RBFOX1: variants seen among roughly 807,000 people sequenced by gnomAD.
RBFOX1 encodes the protein RNA binding protein fox-1 homolog 1.
RBFOX1 carries 8 observed loss-of-function variants against 57.7 expected under a neutral mutation model. The ratio of observed to expected loss-of-function variants is 0.14; its 90% CI spans 0.08 to 0.25. The LOEUF (loss-of-function observed/expected upper bound fraction) is 0.25, where lower values mean the gene tolerates loss of function less well. Ranked by LOEUF, RBFOX1 falls within the 10% of genes least tolerant of loss-of-function variation. The pLI is 1.00. For missense variants in RBFOX1, 611 were observed against 548.5 expected, an observed-to-expected ratio of 1.11 and a Z score of -1.14; for synonymous variants, 326 against 222.4, an observed-to-expected ratio of 1.47 and a Z score of -4.15.
chr16:5,630,127 T>C (rs2048459589), intron 3 of RBFOX1, among the ~76,000 whole-genome samples: 1 of 152,192 alleles, frequency 6.6e-6, no homozygotes, highest in Admixed American at 6.5e-5. Flanking sequence ...CACAGAGGTA[T>C]GGTGCCTTCT....
intron 3 of RBFOX1, among the ~76,000 whole-genome samples, chr16:5,663,159 C>A (rs548121054): frequency 5.1e-4 from 77 of 152,250 alleles, no homozygotes; most frequent in African/African-American, 1.8e-3. Flanking sequence ...AAAGAATGAC[C>A]CGGTTCCAAA....
chr16:6,834,172 C>G (rs1009455789), intron 3 of RBFOX1, among the ~76,000 whole-genome samples: 1 of 152,046 alleles, frequency 6.6e-6, no homozygotes, highest in African/African-American at 2.4e-5. Context: ...CTCCCCAGTT[C>G]AAGTGATTGT....
chr16:6,996,378 C>G (rs1388476496), intron 3 of RBFOX1, among the ~76,000 whole-genome samples: 3 of 152,016 alleles, frequency 2.0e-5, no homozygotes, highest in African/African-American at 7.2e-5. Flanking sequence ...TGTGTGTGTG[C>G]ATATAAACAT....
At chr16:6,643,974 A>C (rs2098512914) in intron 2 of RBFOX1, among the ~76,000 whole-genome samples, 1 of 152,116 alleles carries the variant, frequency 6.6e-6, no homozygotes, top group Non-Finnish European at 1.5e-5. Context: ...AAAAATAAAA[A>C]AAATAGCCAG....
chr16:6,253,675 ATG>A (rs377653141), intron 1 of RBFOX1, among the ~76,000 whole-genome samples: 145 of 144,988 alleles, frequency 1.0e-3, no homozygotes, highest in African/African-American at 3.3e-3. Context: ...GTGTGTGTGC[ATG>A]TGTGTGTGTG....
intron 2 of RBFOX1, among the ~76,000 whole-genome samples, chr16:6,473,879 G>T (rs527596918): frequency 6.6e-6 from 1 of 152,286 alleles, no homozygotes; most frequent in East Asian, 1.9e-4. Flanking sequence ...GAAGTTGGAG[G>T]TGTGGACAAA....
At position 5,827,400 on chromosome 16, in the gene RBFOX1, AG is replaced by A. The variant is rs201254497; in HGVS notation, c.319-39900del. ...GGATGACAGAGCAAGACTCCATCTC[AG>A]GGAAAAAAAAAAAAAAAAAAGAAAA... On this transcript the variant is annotated intron_variant, in intron 3 of 19. Transcript: ENST00000641259. Among the ~76,000 whole-genome samples, 365 of 109,624 alleles carry A rather than the reference AG, an allele frequency of 3.3e-3. 16 individuals carry two copies. The highest frequency in any genetic ancestry group is 0.017 in the Admixed American group (205 of 11,956). The allele number at this position is 109,624 out of a possible 152,430, so 71.9% of individuals were successfully genotyped here. A position where few individuals can be genotyped will look rare whatever the true frequency, so the allele number is the denominator to read the frequency against.
At chr16:7,522,546 G>T (rs1567653894) in intron 5 of RBFOX1, among the ~76,000 whole-genome samples, 1 of 152,224 alleles carries the variant, frequency 6.6e-6, no homozygotes, top group African/African-American at 2.4e-5. Context: ...ATATGTTGGA[G>T]TGGGTGGGCA....
chr16:7,189,448 A>AC, intron 4 of RBFOX1, among the ~76,000 whole-genome samples: 1 of 143,106 alleles, frequency 7.0e-6, no homozygotes, highest in East Asian at 2.1e-4. Flanking sequence ...AAAAAAAAAA[A>AC]GGAATCCTCA....
chr16:6,222,870 G>A (rs1159191371), intron 1 of RBFOX1, among the ~76,000 whole-genome samples: 1 of 151,820 alleles, frequency 6.6e-6, no homozygotes. Context: ...CCCCACAACA[G>A]TCCCCAGAGT....
At position 7,089,303 on chromosome 16, in the gene RBFOX1, A is replaced by G. The variant is rs377364136; in HGVS notation, c.27+37205A>G. Among the ~76,000 whole-genome samples, 3 of 152,192 alleles carry G rather than the reference A, an allele frequency of 2.0e-5. No homozygotes were observed. In the South Asian group the frequency reaches 6.2e-4, roughly 31 times the overall value. On this transcript the variant is annotated intron_variant, in intron 4 of 15. Coordinates refer to ENST00000550418, the MANE Select transcript of RBFOX1 (RefSeq NM_018723.4). ...AGTTAAAACTGCATGAACTTAATAG[A>G]GAGTTCTATCTAACAACACTGAATT...
At chr16:6,959,845 G>C (rs2153543478) in intron 3 of RBFOX1, among the ~76,000 whole-genome samples, 1 of 152,284 alleles carries the variant, frequency 6.6e-6, no homozygotes, top group African/African-American at 2.4e-5. Flanking sequence ...GCTGAGGCAG[G>C]AGAATCGCTT....
Position 6,871,911 on chromosome 16 carries a change from CTGTGTGTGTGTGTGTG to C in RBFOX1, c.-15-180110_-15-180095del, listed in dbSNP as rs57684251. 9.3e-3 allele frequency among the ~76,000 whole-genome samples: 1,211 copies of C among 129,668 alleles called. 6 individuals are homozygous for C. Among genetic ancestry groups the C allele is most frequent in the Middle Eastern group, 0.025 (6 of 236 alleles). The allele number at this position is 129,668 out of a possible 152,430, so 85.1% of individuals were successfully genotyped here. ...AGGCTCTTTGAGAGAGGGAGAGAGT[CTGTGTGTGTGTGTGTG>C]TGTGTGTGTGTGTGTGTGTGTGTGT... is the stretch of plus-strand genomic sequence containing the variant. On this transcript the variant is annotated intron_variant, in intron 3 of 15. Coordinates refer to ENST00000550418, the MANE Select transcript of RBFOX1 (RefSeq NM_018723.4).
chr16:6,813,706 C>G (rs2089347962), intron 3 of RBFOX1, among the ~76,000 whole-genome samples: 1 of 152,142 alleles, frequency 6.6e-6, no homozygotes, highest in Non-Finnish European at 1.5e-5. Context: ...CTCTCTCACC[C>G]TATCAAAATC....
At chr16:6,059,619 A>C (rs1334563643) in intron 1 of RBFOX1, among the ~76,000 whole-genome samples, 4 of 152,108 alleles carry the variant, frequency 2.6e-5, no homozygotes, top group Non-Finnish European at 5.9e-5. Context: ...CTGAGTAAAT[A>C]TATTTTTGAC....
chr16:7,415,180 C>T (rs2098466352), intron 4 of RBFOX1, among the ~76,000 whole-genome samples: 1 of 152,220 alleles, frequency 6.6e-6, no homozygotes, highest in African/African-American at 2.4e-5. Context: ...CCATGGCTTA[C>T]AATCCTGGCT....
intron 3 of RBFOX1, among the ~76,000 whole-genome samples, chr16:6,926,496 A>G (rs1451147626): frequency 6.6e-6 from 1 of 152,078 alleles, no homozygotes; most frequent in East Asian, 1.9e-4. Flanking sequence ...AGTTAATGAC[A>G]TTTGTAGCGG....
chr16:6,082,221 C>T (rs535086719), intron 1 of RBFOX1, among the ~76,000 whole-genome samples: 1 of 143,690 alleles, frequency 7.0e-6, no homozygotes, highest in Non-Finnish European at 1.5e-5. Context: ...TACTCTGTCA[C>T]CCAGGCTGGA....
At chr16:7,230,092 G>T (rs1399134173) in intron 4 of RBFOX1, among the ~76,000 whole-genome samples, 1 of 150,104 alleles carries the variant, frequency 6.7e-6, no homozygotes, top group Non-Finnish European at 1.5e-5. Context: ...GGAAGGAAAG[G>T]GGAGGGAAAG....
Sources: allele counts gnomAD v4.1 joint callset (sites outside exome capture counted in the v4.1 genomes callset), GRCh38; gene constraint gnomAD v4.1.1; transcripts MANE v1.5; gene names NCBI Gene and HGNC (gene_info 2026-07-23, HGNC 2026-07-21).